The following PTGIR variants were observed in gnomAD, a reference collection of about 807,000 sequenced individuals.
The protein encoded by PTGIR is prostacyclin receptor.
A neutral mutation model predicts 17.6 loss-of-function variants in PTGIR; 16 were observed. The ratio of observed to expected loss-of-function variants is 0.91; its 90% CI spans 0.61 to 1.38. The LOEUF is 1.38. PTGIR is among the 40% of genes most tolerant of loss of function. The pLI is 0.00. For missense variants in PTGIR, 532 were observed against 548.6 expected (o/e 0.97, Z 0.30); for synonymous variants, 274 against 255.4 (o/e 1.07, Z -0.69).
Position 46,625,085 on chromosome 19 carries a change from T to C in PTGIR, c.-101A>G. On this transcript the variant is annotated 5_prime_UTR_variant, in exon 1 of 3. Transcript: ENST00000291294. This position sits in a 1 kb window ranked among gnomAD's most constrained non-coding sequence, Gnocchi z 4.9. ...GTGTCTCTCGCTGCCTGTGTCGGTC[T>C]GTGTGTCAGCTTCTCCTTCCCTCCT... 6.5e-6 allele frequency: 1 copy of C among 154,042 alleles called. No homozygotes were observed. Among genetic ancestry groups the C allele is most frequent in the Non-Finnish European group, 1.4e-5 (1 of 68,994 alleles). 9.5% of individuals were successfully genotyped at this position (154,042 alleles called of 1,614,324 possible). A position where few individuals can be genotyped will look rare whatever the true frequency, so the allele number is the denominator to read the frequency against.
Position 46,623,833 on chromosome 19 carries a change from G to T in PTGIR, c.393C>A (p.Asp131Glu). The T allele has an allele frequency of 6.2e-7, 1 of 1,607,490 alleles. No individual in the cohort carries two copies. Residue 131 changes from aspartate (D) to glutamate (E), a missense_variant, in exon 2 of 3, where the codon GAC becomes GAA. Physicochemically the swap from Asp to Glu is conservative, Grantham distance 45. Transcript: ENST00000291294. ...GCGCCAGGCGGGCGCAGCGGGGCCC[G>T]TCCAGCTGCGCGTAGAGGTAGGGGT... ...LSHPYLYAQL[D>E]GPRCARLALP...
chr19:46,618,389 A>G (rs185691850), downstream of PTGIR, among the ~76,000 whole-genome samples: 12 of 152,236 alleles, frequency 7.9e-5, 1 homozygote, highest in South Asian at 2.5e-3. Context: ...ACCTCAGGTG[A>G]TCCTCCTGCC....
chr19:46,622,211 T>C (rs947959835), intron 2 of PTGIR: 1 of 985,190 alleles, frequency 1.0e-6, no homozygotes. Flanking sequence ...GCCACTCCCA[T>C]TGGGGAGGGG....
chr19:46,613,204 C>T, the PTGIR span, among the ~76,000 whole-genome samples: 1 of 149,488 alleles, frequency 6.7e-6, no homozygotes, highest in African/African-American at 2.5e-5. Context: ...CCACCATGCC[C>T]GGCTAATTTT....
At chr19:46,618,351 T>A (rs1971993328), downstream of PTGIR, among the ~76,000 whole-genome samples, 1 of 152,180 alleles carries the variant, frequency 6.6e-6, no homozygotes, top group South Asian at 2.1e-4. Flanking sequence ...GGTTTCACCA[T>A]GTTGGCCAGG....
At position 46,621,702 on chromosome 19, in the gene PTGIR, A is replaced by C; in HGVS notation, c.769-30T>G. On this transcript the variant is annotated intron_variant, in intron 2 of 2. Coordinates refer to ENST00000291294, the MANE Select transcript of PTGIR (RefSeq NM_000960.4). The surrounding 1 kb of genome is among the most constrained non-coding windows in gnomAD (Gnocchi z 4.8). ...GGGCAGGGTGAGGGCGTCAAGGAGC[A>C]CCCAGGAGTCCTCAGCCTCCCCACC... The C allele has an allele frequency of 6.3e-7, 1 of 1,585,630 alleles. No individual in the cohort carries two copies. Among genetic ancestry groups the C allele is most frequent in the Non-Finnish European group, 8.6e-7 (1 of 1,163,502 alleles).
chr19:46,611,867 C>G, the PTGIR span, among the ~76,000 whole-genome samples: 24 of 152,226 alleles, frequency 1.6e-4, no homozygotes, highest in Non-Finnish European at 3.5e-4. Context: ...CACACAGGAG[C>G]TGGGCAAGGG....
In PTGIR at chr19:46,621,517, G is replaced by A; in HGVS notation, c.924C>T (p.Cys308=). The A allele has an allele frequency of 6.2e-7, 1 of 1,614,210 alleles. No individual in the cohort carries two copies. The highest frequency in any genetic ancestry group is 8.5e-7 in the Non-Finnish European group (1 of 1,180,046). Residue 308 remains cysteine, a synonymous_variant, in exon 3 of 3, where the codon TGC becomes TGT. Transcript: ENST00000291294. This position sits in a 1 kb window ranked among gnomAD's most constrained non-coding sequence, Gnocchi z 4.8. ...CGTGGGCAGGCCCGAGGCACAGGCA[G>A]CAGACCCAGAGCTTGAGTCGCTGGA... The part of the protein sequence containing the change: ...AVFQRLKLWV[C]CLCLGPAHGD...
chr19:46,612,169 A>G, the PTGIR span, among the ~76,000 whole-genome samples: 1 of 152,222 alleles, frequency 6.6e-6, no homozygotes, highest in African/African-American at 2.4e-5. Context: ...AGTATAGTGG[A>G]TAACTTGGGG....
At chr19:46,620,384 G>T (rs1037734423), downstream of PTGIR, 5 of 965,960 alleles carry the variant, frequency 5.2e-6, no homozygotes, top group Non-Finnish European at 6.2e-6. Flanking sequence ...TTACAGGCAT[G>T]TGCTATGGTG....
chr19:46,612,388 C>T, the PTGIR span, among the ~76,000 whole-genome samples: 19 of 152,264 alleles, frequency 1.2e-4, no homozygotes, highest in Non-Finnish European at 2.4e-4. Flanking sequence ...GAGCACCTGC[C>T]GCCACTGGCT....
downstream of PTGIR, among the ~76,000 whole-genome samples, chr19:46,619,603 A>AT (rs1972022532): frequency 1.2e-5 from 1 of 85,958 alleles, no homozygotes; most frequent in Non-Finnish European, 2.2e-5. Flanking sequence ...AAAGAAAGAA[A>AT]GGAAAGAAAG....
At chr19:46,611,588 C>G in the PTGIR span, among the ~76,000 whole-genome samples, 1 of 152,212 alleles carries the variant, frequency 6.6e-6, no homozygotes, top group Non-Finnish European at 1.5e-5. Flanking sequence ...GCTCAACTTT[C>G]TCGTGGCAAG....
In PTGIR at chr19:46,623,682, C is replaced by G. The variant is rs754573913; in HGVS notation, c.544G>C (p.Ala182Pro). The G allele has an allele frequency of 6.5e-7, 1 of 1,548,028 alleles. No homozygotes were observed. The highest frequency in any genetic ancestry group is 1.2e-5 in the South Asian group (1 of 84,570). ...LRMRWAQPGGAAFSLAYAGLV... is the reference protein window; with the variant it reads ...LRMRWAQPGGPAFSLAYAGLV... ...CCGGCGTAGGCCAGCGAGAAGGCGG[C>G]GCCGCCCGGCTGGGCCCAGCGCATG... is the stretch of plus-strand genomic sequence containing the variant. Residue 182 changes from alanine (A) to proline (P), a missense_variant, in exon 2 of 3, where the codon GCC becomes CCC. Coordinates refer to ENST00000291294, the MANE Select transcript of PTGIR (RefSeq NM_000960.4).
the PTGIR span, among the ~76,000 whole-genome samples, chr19:46,611,532 A>G: frequency 2.7e-4 from 41 of 152,378 alleles, no homozygotes; most frequent in African/African-American, 8.7e-4. Context: ...CACAAGGCAG[A>G]GTACAAACCA....
rs750277897 is a variant in PTGIR, at chr19:46,623,707, G to A, written c.519C>T (p.Arg173=). The A allele has an allele frequency of 1.3e-6, 2 of 1,576,424 alleles. No individual in the cohort carries two copies. The highest frequency in any genetic ancestry group is 1.7e-6 in the Non-Finnish European group (2 of 1,165,270). ...QYCPGSWCFL[R]MRWAQPGGAA... ...CGCCGCCCGGCTGGGCCCAGCGCATGCGGAGGAAGCACCAGCTGCCGGGGC... is the reference window on the plus strand; with the variant it reads ...CGCCGCCCGGCTGGGCCCAGCGCATACGGAGGAAGCACCAGCTGCCGGGGC... Residue 173 remains arginine, a synonymous_variant, in exon 2 of 3, where the codon CGC becomes CGT. Coordinates refer to ENST00000291294, the MANE Select transcript of PTGIR (RefSeq NM_000960.4).
Position 46,621,937 on chromosome 19 carries a change from C to T in PTGIR, c.769-265G>A. The T allele has an allele frequency of 1.6e-6, 2 of 1,266,266 alleles. No individual in the cohort carries two copies. Among genetic ancestry groups the T allele is most frequent in the Non-Finnish European group, 2.0e-6 (2 of 1,004,940 alleles). 78.4% of individuals were successfully genotyped at this position (1,266,266 alleles called of 1,614,324 possible). ...CTTGGAAGCTGGGAGGACCCTCGGGCTCCACAGATTTTTGAGTATAACGTC... is the reference window on the plus strand; with the variant it reads ...CTTGGAAGCTGGGAGGACCCTCGGGTTCCACAGATTTTTGAGTATAACGTC... On this transcript the variant is annotated intron_variant, in intron 2 of 2. Transcript: ENST00000291294. The surrounding 1 kb of genome is among the most constrained non-coding windows in gnomAD (Gnocchi z 4.8).
At chr19:46,620,097 GTGGA>G (rs1440800184), downstream of PTGIR, among the ~76,000 whole-genome samples, 1 of 152,178 alleles carries the variant, frequency 6.6e-6, no homozygotes, top group African/African-American at 2.4e-5. Context: ...CTGAATTTCA[GTGGA>G]AGGTTGAGGG....
chr19:46,621,870 A>T lies in PTGIR; in HGVS notation c.769-198T>A. ...CCCCAGGAAATTGCCAGAGATGCCTAAGGGGAGAGGGATGGGGGCCAGGTA... is the reference window on the plus strand; with the variant it reads ...CCCCAGGAAATTGCCAGAGATGCCTTAGGGGAGAGGGATGGGGGCCAGGTA... On this transcript the variant is annotated intron_variant, in intron 2 of 2. Coordinates refer to ENST00000291294, the MANE Select transcript of PTGIR (RefSeq NM_000960.4). The surrounding 1 kb of genome is among the most constrained non-coding windows in gnomAD (Gnocchi z 4.8). 1 of 1,366,420 alleles carries T rather than the reference A, an allele frequency of 7.3e-7. No individual in the cohort carries two copies. The highest frequency in any genetic ancestry group is 9.4e-7 in the Non-Finnish European group (1 of 1,063,138). 84.6% of individuals were successfully genotyped at this position (1,366,420 alleles called of 1,614,324 possible). A position where few individuals can be genotyped will look rare whatever the true frequency, so the allele number is the denominator to read the frequency against.
Sources: allele counts gnomAD v4.1 joint callset (sites outside exome capture counted in the v4.1 genomes callset), GRCh38; gene constraint gnomAD v4.1.1; non-coding constraint Gnocchi (gnomAD v3.1); transcripts MANE v1.5; gene names NCBI Gene and HGNC (gene_info 2026-07-23, HGNC 2026-07-21).